CCNF: variants seen among roughly 807,000 people sequenced by gnomAD.
CCNF encodes cyclin F, also known as cyclin-F.
In CCNF, 30 loss-of-function variants were observed where a neutral mutation model predicts 85.4. That is an observed-to-expected ratio of 0.35 (90% CI 0.26 to 0.48). The LOEUF (loss-of-function observed/expected upper bound fraction) is 0.48. CCNF is among the 20% of genes least tolerant of loss of function. CCNF has a pLI of 0.99. For missense variants in CCNF, 919 were observed against 1,010.4 expected (o/e 0.91, Z 1.23); for synonymous variants, 439 against 425.1 (o/e 1.03, Z -0.40).
intron 10 of CCNF, among the ~76,000 whole-genome samples, chr16:2,448,400 G>A (rs1334382661): frequency 6.6e-6 from 1 of 151,880 alleles, no homozygotes; most frequent in Non-Finnish European, 1.5e-5. Flanking sequence ...CCTCCCCTTT[G>A]TTATTATTAT....
intron 8 of CCNF, among the ~76,000 whole-genome samples, chr16:2,442,870 AT>A (rs1424343861): frequency 3.0e-5 from 1 of 33,468 alleles, no homozygotes; most frequent in Non-Finnish European, 4.1e-5. Flanking sequence ...TATATTATAT[AT>A]ATTATATTAT....
rs1000165188 is a variant in CCNF, at chr16:2,439,569, C to T, written c.699+112C>T. The T allele has an allele frequency of 2.5e-5, 23 of 938,482 alleles. No homozygotes were observed. In the African/African-American group the frequency reaches 2.6e-4, roughly 11 times the overall value. The allele number at this position is 938,482 out of a possible 1,614,324, so 58.1% of individuals were successfully genotyped here. A position where few individuals can be genotyped will look rare whatever the true frequency, so the allele number is the denominator to read the frequency against. On this transcript the variant is annotated intron_variant, in intron 7 of 16. Transcript: ENST00000397066. ...AAAGGGAGGTGGCTCTTGCTGCTCCCGGTCTCTCAGCCTCCGGGAACCACT... is the reference window on the plus strand; with the variant it reads ...AAAGGGAGGTGGCTCTTGCTGCTCCTGGTCTCTCAGCCTCCGGGAACCACT...
chr16:2,435,315 A>G (rs2065283284), intron 3 of CCNF, among the ~76,000 whole-genome samples: 1 of 151,568 alleles, frequency 6.6e-6, no homozygotes, highest in Admixed American at 6.6e-5. Flanking sequence ...TGATGGCTCA[A>G]GCCTATAATC....
At chr16:2,431,655 G>T (rs1445019716) in intron 2 of CCNF, among the ~76,000 whole-genome samples, 1 of 139,616 alleles carries the variant, frequency 7.2e-6, no homozygotes, top group East Asian at 2.2e-4. Context: ...ACTCCAGCCT[G>T]GGCGACAGAG....
rs1555497784 is a variant in CCNF at position 2,445,726 on chromosome 16, G to GGT, written c.1094+104_1094+105insGT. 7.2e-6 allele frequency: 6 copies of GGT among 835,424 alleles called. No individual in the cohort carries two copies. In the East Asian group the frequency reaches 9.4e-5, roughly 13 times the overall value. The allele number at this position is 835,424 out of a possible 1,614,324, so 51.8% of individuals were successfully genotyped here. A position where few individuals can be genotyped will look rare whatever the true frequency, so the allele number is the denominator to read the frequency against. On this transcript the variant is annotated intron_variant, in intron 10 of 16. Transcript: ENST00000397066. ...CCTCACTGGTTTGGTTTTGTTTTGT[G>GGT]TTGTTTTTTTTTTTTTCCCGAGACC...
intron 10 of CCNF, 83 bp downstream of exon 10, chr16:2,445,705 A>T: frequency 8.3e-7 from 1 of 1,200,038 alleles, no homozygotes; most frequent in Non-Finnish European, 1.1e-6. Context: ...TGTGCTCCTC[A>T]CTGGTTTGGT....
At chr16:2,440,253 C>A (rs2065314177) in intron 8 of CCNF, among the ~76,000 whole-genome samples, 1 of 152,120 alleles carries the variant, frequency 6.6e-6, no homozygotes, top group South Asian at 2.1e-4. Flanking sequence ...TGTCATGTCA[C>A]CTGGTCACCA....
At chr16:2,435,733 C>T (rs1355312736) in intron 3 of CCNF, 73 bp from the exon 4 acceptor site, 1 of 929,494 alleles carries the variant, frequency 1.1e-6, no homozygotes, top group Non-Finnish European at 1.7e-6. Flanking sequence ...ATTCTGACTT[C>T]TTCAAGTGCT....
chr16:2,441,731 G>A (rs1231464110), intron 8 of CCNF, among the ~76,000 whole-genome samples: 1 of 151,118 alleles, frequency 6.6e-6, no homozygotes, highest in South Asian at 2.1e-4. Context: ...TGGCCAGGCT[G>A]GTCTAAAACT....
At chr16:2,445,722 T>TCG (rs2065358449) in intron 10 of CCNF, 100 bp downstream of exon 10, 1 of 995,446 alleles carries the variant, frequency 1.0e-6, no homozygotes, top group Non-Finnish European at 1.3e-6. Context: ...TGGTTTTGTT[T>TCG]TGTGTTGTTT....
chr16:2,456,664 C>T lies in CCNF; in HGVS notation c.2005C>T (p.Gln669Ter), dbSNP rs145521789. The T allele has an allele frequency of 1.9e-5, 31 of 1,613,350 alleles. No individual in the cohort carries two copies. In the African/African-American group the frequency reaches 2.5e-4, roughly 13 times the overall value. ...AGAGGACAAGGGACCCCAGGACCCA[C>T]AGGCACTGGCGCTGGACACCCAGAT... is the stretch of plus-strand genomic sequence containing the variant. The part of the protein sequence containing the change: ...CPEDKGPQDP[Q>*]ALALDTQIPA... Residue 669 changes from glutamine (Q) to a stop codon, truncating the protein, a stop_gained, in exon 17 of 17, where the codon CAG (glutamine) becomes TAG (stop). Transcript: ENST00000397066. LOFTEE classifies it low-confidence loss of function (END_TRUNC). The surrounding 1 kb of genome is among the most constrained non-coding windows in gnomAD (Gnocchi z 4.5).
rs1258282820 is a variant in CCNF, at chr16:2,453,912, G to A, written c.1715+375G>A. 6.6e-6 allele frequency among the ~76,000 whole-genome samples: 1 copy of A among 152,164 alleles called. No individual in the cohort carries two copies. The highest frequency in any genetic ancestry group is 1.5e-5 in the Non-Finnish European group (1 of 68,024). On this transcript the variant is annotated intron_variant, in intron 15 of 16. Coordinates refer to ENST00000397066, the MANE Select transcript of CCNF (RefSeq NM_001761.3). This position sits in a 1 kb window ranked among gnomAD's most constrained non-coding sequence, Gnocchi z 5.6. The stretch of plus-strand genomic sequence containing the variant: ...TCCCGGCACTCGAGCTGTGACCTGA[G>A]TCACATCCCCAGCACTTCCCTCGCC...
intron 8 of CCNF, among the ~76,000 whole-genome samples, chr16:2,442,959 TTTTATATA>T (rs1487659311): frequency 2.0e-5 from 2 of 102,402 alleles, no homozygotes; most frequent in East Asian, 2.3e-4. Flanking sequence ...TATTATATAT[TTTTATATA>T]TTTATATATT....
intron 10 of CCNF, among the ~76,000 whole-genome samples, chr16:2,448,146 C>T (rs1303078456): frequency 6.6e-6 from 1 of 152,254 alleles, no homozygotes; most frequent in Admixed American, 6.5e-5. Flanking sequence ...GACTTTCCAA[C>T]AACCCTTGGG....
At chr16:2,435,025 C>T (rs762107509) in intron 3 of CCNF, among the ~76,000 whole-genome samples, 1 of 151,976 alleles carries the variant, frequency 6.6e-6, no homozygotes, top group South Asian at 2.1e-4. Flanking sequence ...GAGGCCGAGG[C>T]GGGTGGATCA....
chr16:2,456,724 A>T lies in CCNF; in HGVS notation c.2065A>T (p.Thr689Ser), dbSNP rs1165767694. 3.7e-6 allele frequency: 6 copies of T among 1,612,304 alleles called. No homozygotes were observed. Among genetic ancestry groups the T allele is most frequent in the Non-Finnish European group, 5.1e-6 (6 of 1,179,256 alleles). Reference protein sequence around the residue: ...ATPGPKPLVRTSREPGKDVTT... With the variant: ...ATPGPKPLVRSSREPGKDVTT... ...CCCTGGACCCAAACCCCTGGTCCGC[A>T]CCAGCCGGGAGCCAGGGAAGGACGT... Residue 689 changes from threonine to serine, a missense_variant, in exon 17 of 17, where the codon ACC becomes TCC. This residue lies in a region of CCNF where 505 missense variants were observed against 514.8 expected (regional missense o/e 0.98). Coordinates refer to ENST00000397066, the MANE Select transcript of CCNF (RefSeq NM_001761.3). The surrounding 1 kb of genome is among the most constrained non-coding windows in gnomAD (Gnocchi z 4.5).
rs774328320 is a variant in CCNF at position 2,437,220 on chromosome 16, A to C, written c.438A>C (p.Ala146=). 25 of 1,612,710 alleles carry C rather than the reference A, an allele frequency of 1.6e-5. No homozygotes were observed. The highest frequency in any genetic ancestry group is 1.9e-5 in the Non-Finnish European group (22 of 1,179,546). The change falls in exon 5 of 17, where the codon GCA becomes GCC. Residue 146 remains alanine, a synonymous_variant. Transcript: ENST00000397066. Reference sequence around the variant, plus strand: ...CTGAGCGGCTGAATGTGGGTGCCGCACCTTTCATCTGGCTCTTCATCCGCC... The same window carrying C: ...CTGAGCGGCTGAATGTGGGTGCCGCCCCTTTCATCTGGCTCTTCATCCGCC... ...SLAERLNVGA[A]PFIWLFIRPP...
Position 2,453,611 on chromosome 16 carries a change from C to T in CCNF, c.1715+74C>T, listed in dbSNP as rs1036663948. The stretch of plus-strand genomic sequence containing the variant: ...TGCCGGCCCAGTTCCCTCAGCGCTT[C>T]CTCACACAGAGAGGCCCCCAAGGCT... On this transcript the variant is annotated intron_variant, in intron 15 of 16. Transcript: ENST00000397066. This position sits in a 1 kb window ranked among gnomAD's most constrained non-coding sequence, Gnocchi z 5.6. 2.5e-6 allele frequency: 4 copies of T among 1,585,444 alleles called. No individual in the cohort carries two copies. The highest frequency in any genetic ancestry group is 1.1e-5 in the South Asian group (1 of 89,268).
At chr16:2,430,116 A>T (rs1313143676) in intron 1 of CCNF, among the ~76,000 whole-genome samples, 1 of 152,134 alleles carries the variant, frequency 6.6e-6, no homozygotes, top group Non-Finnish European at 1.5e-5. Flanking sequence ...CAGCTGATTT[A>T]ATTGCTAACA....
Sources: gnomAD v4.1 joint callset for allele counts (sites outside exome capture counted in the v4.1 genomes callset) on GRCh38, gnomAD v4.1.1 for gene constraint, gnomAD v4.1.1 regional missense constraint, Gnocchi (gnomAD v3.1) non-coding constraint, MANE v1.5 for transcripts, NCBI Gene and HGNC (gene_info 2026-07-23, HGNC 2026-07-21) for gene names.